Variants in MEGF9 observed in about 807,000 individuals in gnomAD.
The protein encoded by MEGF9 is multiple EGF like domains 9.
In MEGF9, 6 loss-of-function variants were observed where a neutral mutation model predicts 46.8. The observed-to-expected ratio is 0.13, with a 90% CI of 0.07 to 0.25. The LOEUF is 0.25. MEGF9 is among the 10% of genes least tolerant of loss of function. MEGF9 has a pLI of 1.00. For synonymous variants in MEGF9, 302 were observed against 330.7 expected, an observed-to-expected ratio of 0.91 and a Z score of 0.94; for missense variants, 683 against 792.4, an observed-to-expected ratio of 0.86 and a Z score of 1.66.
At chr9:120,687,663 C>CT (rs2043828844) in intron 1 of MEGF9, among the ~76,000 whole-genome samples, 2 of 110,342 alleles carry the variant, frequency 1.8e-5, no homozygotes, top group South Asian at 7.4e-4. Context: ...GAAACATGAA[C>CT]ACAACACTGT....
At chr9:120,691,689 T>C (rs1486837881) in intron 1 of MEGF9, among the ~76,000 whole-genome samples, 1 of 152,190 alleles carries the variant, frequency 6.6e-6, no homozygotes, top group Non-Finnish European at 1.5e-5. Flanking sequence ...CAACATCATC[T>C]CATAATTCTA....
At chr9:120,655,875 A>G (rs180723561) in intron 2 of MEGF9, among the ~76,000 whole-genome samples, 212 of 152,354 alleles carry the variant, frequency 1.4e-3, no homozygotes, top group African/African-American at 4.8e-3. Context: ...TTGACATGTG[A>G]TTCTGACAGT....
At chr9:120,692,595 A>G (rs2043854170) in intron 1 of MEGF9, among the ~76,000 whole-genome samples, 2 of 152,154 alleles carry the variant, frequency 1.3e-5, no homozygotes, top group Admixed American at 1.3e-4. Context: ...TCTGAGCATG[A>G]CATGGAAAGC....
intron 1 of MEGF9, among the ~76,000 whole-genome samples, chr9:120,677,387 C>T (rs780524611): frequency 6.6e-6 from 1 of 152,160 alleles, no homozygotes; most frequent in Admixed American, 6.5e-5. Context: ...CCCACCTCAG[C>T]CCCCAAAGTG....
At chr9:120,607,592 A>G (rs1349571003) in intron 5 of MEGF9, 149 bp downstream of exon 5, 11 of 786,036 alleles carry the variant, frequency 1.4e-5, no homozygotes, top group Non-Finnish European at 2.2e-5. Context: ...GAAGAGCAGC[A>G]GGAATGGAAG....
chr9:120,613,149 C>T (rs1470534829), intron 3 of MEGF9, among the ~76,000 whole-genome samples: 1 of 152,034 alleles, frequency 6.6e-6, no homozygotes, highest in Non-Finnish European at 1.5e-5. Flanking sequence ...CAGCCTAAAT[C>T]TTAAAAAGAA....
rs1588004355 is a variant in MEGF9, at chr9:120,713,671, A to G, written c.601+87T>C. 2.4e-6 allele frequency: 3 copies of G among 1,235,988 alleles called. No homozygotes were observed. The East Asian group carries it at 9.3e-5, about 38-fold the overall frequency. 76.6% of individuals were successfully genotyped at this position (1,235,988 alleles called of 1,614,324 possible). ...ACCTGGGGTGTCTTTGGGGTAACAA[A>G]CGATAAATTATAGGCAAGAGCCCAA... On this transcript the variant is annotated intron_variant, in intron 1 of 5. Coordinates refer to ENST00000373930, the MANE Select transcript of MEGF9 (RefSeq NM_001080497.3).
At chr9:120,670,184 C>A (rs1484229534) in intron 1 of MEGF9, among the ~76,000 whole-genome samples, 1 of 152,200 alleles carries the variant, frequency 6.6e-6, no homozygotes, top group Admixed American at 6.5e-5. Flanking sequence ...GCAACCTCCG[C>A]TTCCTGGATT....
rs2043414919 is a variant in MEGF9 at position 120,605,204 on chromosome 9, T to TA, written c.1794dup (p.Asn599Ter). Reference sequence around the variant, plus strand: ...GTTCTAGCTCCTTAGGCTTTGTAGTTATGTATGGGCGTCGTCAGGGTCAGC... The same window carrying TA: ...GTTCTAGCTCCTTAGGCTTTGTAGTTAATGTATGGGCGTCGTCAGGGTCAGC... On this transcript the variant is annotated frameshift_variant, in exon 6 of 6. Coordinates refer to ENST00000373930, the MANE Select transcript of MEGF9 (RefSeq NM_001080497.3). LOFTEE classifies it high-confidence loss of function. The surrounding 1 kb of genome is among the most constrained non-coding windows in gnomAD (Gnocchi z 4.0). 1 of 1,613,126 alleles carries TA rather than the reference T, an allele frequency of 6.2e-7. No individual in the cohort carries two copies. The highest frequency in any genetic ancestry group is 8.5e-7 in the Non-Finnish European group (1 of 1,179,448).
intron 1 of MEGF9, among the ~76,000 whole-genome samples, chr9:120,693,275 C>CAAAAAAA (rs10633158): frequency 3.1e-4 from 32 of 104,312 alleles, no homozygotes; most frequent in Middle Eastern, 5.3e-3. Context: ...TCTGGTTAAC[C>CAAAAAAA]AAAAAAAAAA....
rs528803174 is a variant in MEGF9, at chr9:120,604,762, T to C, written c.*428A>G. 5.7e-5 allele frequency: 10 copies of C among 176,440 alleles called. No individual in the cohort carries two copies. The East Asian group carries it at 1.4e-3, about 25-fold the overall frequency. 10.9% of individuals were successfully genotyped at this position (176,440 alleles called of 1,614,324 possible). ...ATGTCCTTTTGTATAGTAAAACGAA[T>C]ATAATCCCTGACACTGTTTTAAAAA... is the stretch of plus-strand genomic sequence containing the variant. On this transcript the variant is annotated 3_prime_UTR_variant, in exon 6 of 6. Transcript: ENST00000373930.
chr9:120,656,979 C>A (rs964182676), intron 2 of MEGF9, among the ~76,000 whole-genome samples: 3 of 152,068 alleles, frequency 2.0e-5, no homozygotes, highest in African/African-American at 7.2e-5. Context: ...TACATGATTA[C>A]CTAAAAATAC....
intron 2 of MEGF9, among the ~76,000 whole-genome samples, chr9:120,629,285 A>G (rs1341919237): frequency 6.6e-6 from 1 of 152,002 alleles, no homozygotes; most frequent in Non-Finnish European, 1.5e-5. Flanking sequence ...TGGCCCAGTC[A>G]TGATGATTAA....
intron 2 of MEGF9, among the ~76,000 whole-genome samples, chr9:120,640,940 T>C (rs2043600303): frequency 6.8e-6 from 1 of 147,756 alleles, no homozygotes; most frequent in Admixed American, 6.8e-5. Flanking sequence ...ATCCCACTTA[T>C]AAGTGAGAAC....
chr9:120,673,431 T>C (rs751255587), intron 1 of MEGF9, among the ~76,000 whole-genome samples: 29 of 151,984 alleles, frequency 1.9e-4, no homozygotes, highest in Non-Finnish European at 3.4e-4. Flanking sequence ...TATAAAGCTA[T>C]AGTAATCAAG....
In MEGF9 at chr9:120,659,577, T is replaced by C; in HGVS notation, c.602-2A>G. 6.3e-7 allele frequency: 1 copy of C among 1,597,948 alleles called. No homozygotes were observed. Among genetic ancestry groups the C allele is most frequent in the Non-Finnish European group, 8.5e-7 (1 of 1,170,662 alleles). ...CCACAGAGCAGTTACATACATACTC[T>C]GCAAAGGAAAGAAGGAAAGAGACAT... On this transcript the variant is annotated splice_acceptor_variant, in intron 1 of 5. Coordinates refer to ENST00000373930, the MANE Select transcript of MEGF9 (RefSeq NM_001080497.3). LOFTEE classifies it high-confidence loss of function.
chr9:120,685,114 G>A (rs955278488), intron 1 of MEGF9, among the ~76,000 whole-genome samples: 1 of 152,216 alleles, frequency 6.6e-6, no homozygotes, highest in Non-Finnish European at 1.5e-5. Context: ...GATTACAGGC[G>A]TAAGCCACCA....
At chr9:120,684,932 T>C (rs937619435) in intron 1 of MEGF9, among the ~76,000 whole-genome samples, 1 of 152,118 alleles carries the variant, frequency 6.6e-6, no homozygotes, top group Non-Finnish European at 1.5e-5. Flanking sequence ...CTCCCAGGGT[T>C]CACGCCATTC....
At chr9:120,685,100 C>T (rs903705699) in intron 1 of MEGF9, among the ~76,000 whole-genome samples, 1 of 152,194 alleles carries the variant, frequency 6.6e-6, no homozygotes, top group African/African-American at 2.4e-5. Context: ...TCCCAAAGTG[C>T]TGGGATTACA....
Sources: allele counts gnomAD v4.1 joint callset (sites outside exome capture counted in the v4.1 genomes callset), GRCh38; gene constraint gnomAD v4.1.1; non-coding constraint Gnocchi (gnomAD v3.1); transcripts MANE v1.5; gene names NCBI Gene and HGNC (gene_info 2026-07-23, HGNC 2026-07-21).